The following DISC1 variants were observed in gnomAD, a reference collection of about 807,000 sequenced individuals.
DISC1 encodes the protein DISC1 scaffold protein.
A neutral mutation model predicts 84.5 loss-of-function variants in DISC1; 57 were observed. That is an observed-to-expected ratio of 0.67 (90% CI 0.55 to 0.84). The LOEUF (loss-of-function observed/expected upper bound fraction) is 0.84, where lower values mean the gene tolerates loss of function less well. Among genes scored for constraint, DISC1 ranks in the 40% least tolerant of loss-of-function variants. The probability of loss-of-function intolerance (pLI) is 0.00; values close to 1 mark genes in which losing one functional copy is unlikely to be tolerated. For synonymous variants in DISC1, 411 were observed against 415.2 expected (o/e 0.99, Z 0.12); for missense variants, 1,000 against 1,057.8 (o/e 0.95, Z 0.76).
chr1:231,755,074 T>G (rs2074989124), intron 4 of DISC1, among the ~76,000 whole-genome samples: 1 of 152,260 alleles, frequency 6.6e-6, no homozygotes, highest in Admixed American at 6.5e-5. Context: ...CATGGCAGTG[T>G]CTAGAATTTT....
At chr1:232,032,861 T>A (rs1489636009) in intron 12 of DISC1, among the ~76,000 whole-genome samples, 1 of 152,252 alleles carries the variant, frequency 6.6e-6, no homozygotes, top group South Asian at 2.1e-4. Context: ...CAAGGTCAAG[T>A]GTTTCAATGG....
At chr1:231,877,188 G>A (rs2085946924) in intron 9 of DISC1, among the ~76,000 whole-genome samples, 1 of 152,182 alleles carries the variant, frequency 6.6e-6, no homozygotes, top group South Asian at 2.1e-4. Flanking sequence ...CCATTCTCAG[G>A]GGTGGCTCAC....
At chr1:231,639,206 C>A (rs368226799) in intron 1 of DISC1, among the ~76,000 whole-genome samples, 1 of 152,156 alleles carries the variant, frequency 6.6e-6, no homozygotes, top group African/African-American at 2.4e-5. Context: ...ATGTAGATTG[C>A]GTGTTCAAGA....
chr1:231,778,840 C>A (rs990317171), intron 6 of DISC1, among the ~76,000 whole-genome samples: 1 of 152,200 alleles, frequency 6.6e-6, no homozygotes, highest in African/African-American at 2.4e-5. Flanking sequence ...CCCCCAACCA[C>A]TGAACGGATT....
intron 10 of DISC1, among the ~76,000 whole-genome samples, chr1:231,974,322 T>G (rs948341783): frequency 6.6e-6 from 1 of 152,142 alleles, no homozygotes; most frequent in African/African-American, 2.4e-5. Flanking sequence ...ATGATATCAT[T>G]TAAAATAAAC....
chr1:231,712,009 T>A lies in DISC1; in HGVS notation c.1117+9985T>A, dbSNP rs149257152. 3.9e-3 allele frequency among the ~76,000 whole-genome samples: 601 copies of A among 152,290 alleles called. 3 individuals carry two copies. Among genetic ancestry groups the A allele is most frequent in the Middle Eastern group, 6.8e-3 (2 of 294 alleles). On this transcript the variant is annotated intron_variant, in intron 3 of 12. Coordinates refer to ENST00000439617, the MANE Select transcript of DISC1 (RefSeq NM_018662.3). Reference sequence around the variant, plus strand: ...CAGATTATCTGAGGTGGGTCCTATATGACATCAGATCATGTCTGAGAGACG... The same window carrying A: ...CAGATTATCTGAGGTGGGTCCTATAAGACATCAGATCATGTCTGAGAGACG...
intron 8 of DISC1, among the ~76,000 whole-genome samples, chr1:231,816,095 C>A (rs978329350): frequency 1.3e-5 from 2 of 152,202 alleles, no homozygotes; most frequent in African/African-American, 4.8e-5. Flanking sequence ...CCAGTTGCTC[C>A]ATACCCTTGT....
intron 9 of DISC1, among the ~76,000 whole-genome samples, chr1:231,835,935 T>C (rs916592600): frequency 6.6e-6 from 1 of 152,234 alleles, no homozygotes; most frequent in Non-Finnish European, 1.5e-5. Flanking sequence ...AAAAACATTC[T>C]ATTTCCACTC....
chr1:231,778,603 T>A (rs2077141813), intron 6 of DISC1, among the ~76,000 whole-genome samples: 1 of 152,028 alleles, frequency 6.6e-6, no homozygotes. Flanking sequence ...CCATTGTATA[T>A]CCTCCCGTTT....
intron 2 of DISC1, among the ~76,000 whole-genome samples, chr1:231,699,619 C>T (rs1216536503): frequency 1.3e-5 from 2 of 152,144 alleles, no homozygotes; most frequent in African/African-American, 2.4e-5. Flanking sequence ...CATCCAAGCT[C>T]CTGTCATCTC....
intron 1 of DISC1, among the ~76,000 whole-genome samples, chr1:231,667,842 A>G (rs918218772): frequency 2.0e-5 from 3 of 152,162 alleles, no homozygotes; most frequent in Non-Finnish European, 4.4e-5. Flanking sequence ...ATTGTTGCCA[A>G]TGTTACTTAT....
chr1:231,873,526 A>G (rs1474979108), intron 9 of DISC1, among the ~76,000 whole-genome samples: 1 of 152,236 alleles, frequency 6.6e-6, no homozygotes, highest in East Asian at 1.9e-4. Flanking sequence ...TAGAGTACTT[A>G]TAAAATCTGG....
chr1:232,012,263 T>A (rs1368499099), intron 11 of DISC1, among the ~76,000 whole-genome samples: 1 of 152,172 alleles, frequency 6.6e-6, no homozygotes, highest in Non-Finnish European at 1.5e-5. Flanking sequence ...ATGTATAATA[T>A]ACTCACTTTT....
At position 231,946,973 on chromosome 1, in the gene DISC1, A is replaced by C. The variant is rs534409032; in HGVS notation, c.1982-11855A>C. On this transcript the variant is annotated intron_variant, in intron 9 of 12. Transcript: ENST00000439617. ...AATAAGAGAGGACCAAACAAATGGA[A>C]AAACATTCCATGCTCATGGATAGGA... is the stretch of plus-strand genomic sequence containing the variant. Among the ~76,000 whole-genome samples the C allele has an allele frequency of 5.9e-5, 9 of 152,380 alleles. No homozygotes were observed. In the South Asian group the frequency reaches 1.7e-3, roughly 28 times the overall value.
At chr1:232,018,118 T>G (rs1668645814) in intron 11 of DISC1, among the ~76,000 whole-genome samples, 1 of 152,212 alleles carries the variant, frequency 6.6e-6, no homozygotes, top group Admixed American at 6.5e-5. Context: ...CAATTTAACT[T>G]AAACAGTTTC....
At chr1:231,648,321 GT>G (rs917162195) in intron 1 of DISC1, among the ~76,000 whole-genome samples, 2 of 151,916 alleles carry the variant, frequency 1.3e-5, no homozygotes, top group Non-Finnish European at 1.5e-5. Context: ...ATAATCATGT[GT>G]TTTTTTTCAT....
At chr1:231,840,526 T>C (rs1004709942) in intron 9 of DISC1, among the ~76,000 whole-genome samples, 3 of 152,126 alleles carry the variant, frequency 2.0e-5, no homozygotes, top group African/African-American at 7.2e-5. Flanking sequence ...AAATGCATTG[T>C]ACTGAGTGAA....
At chr1:231,909,170 C>T (rs187080454) in intron 9 of DISC1, among the ~76,000 whole-genome samples, 113 of 151,098 alleles carry the variant, frequency 7.5e-4, no homozygotes, top group African/African-American at 2.7e-3. Flanking sequence ...ATTTCTTTCT[C>T]CTGCCTGATT....
intron 1 of DISC1, among the ~76,000 whole-genome samples, chr1:231,644,741 C>T (rs2059989521): frequency 6.6e-6 from 1 of 152,094 alleles, no homozygotes; most frequent in African/African-American, 2.4e-5. Flanking sequence ...CTTTTCACTT[C>T]TGTCCTCTCC....
Sources: allele counts gnomAD v4.1 joint callset (sites outside exome capture counted in the v4.1 genomes callset), GRCh38; gene constraint gnomAD v4.1.1; transcripts MANE v1.5; gene names NCBI Gene and HGNC (gene_info 2026-07-23, HGNC 2026-07-21).